Variants in PDZRN4 observed in about 807,000 individuals in gnomAD.
PDZRN4 encodes the protein PDZ domain-containing RING finger protein 4.
A neutral mutation model predicts 99.0 loss-of-function variants in PDZRN4; 70 were observed. The ratio of observed to expected loss-of-function variants is 0.71; its 90% CI spans 0.58 to 0.86. The LOEUF (loss-of-function observed/expected upper bound fraction) is 0.86. Ranked by LOEUF, PDZRN4 falls within the 40% of genes least tolerant of loss-of-function variation. The probability of loss-of-function intolerance (pLI) is 0.00; values close to 1 mark genes in which losing one functional copy is unlikely to be tolerated. For synonymous variants in PDZRN4, 551 were observed against 501.6 expected, an observed-to-expected ratio of 1.10 and a Z score of -1.32; for missense variants, 1,474 against 1,331.2, an observed-to-expected ratio of 1.11 and a Z score of -1.67.
At chr12:41,440,042 T>C (rs1186838204) in intron 3 of PDZRN4, among the ~76,000 whole-genome samples, 1 of 152,152 alleles carries the variant, frequency 6.6e-6, no homozygotes, top group Non-Finnish European at 1.5e-5. Flanking sequence ...AGAGCACACA[T>C]GAAAGTGAAC....
intron 3 of PDZRN4, among the ~76,000 whole-genome samples, chr12:41,459,322 T>C (rs957784990): frequency 3.9e-5 from 6 of 152,232 alleles, no homozygotes; most frequent in African/African-American, 9.6e-5. Flanking sequence ...TCCAAGGTGA[T>C]GTAACAAATT....
Position 41,279,481 on chromosome 12 carries a change from G to A in PDZRN4, c.843+85293G>A, listed in dbSNP as rs561242867. On this transcript the variant is annotated intron_variant, in intron 3 of 9. Coordinates refer to ENST00000402685, the MANE Select transcript of PDZRN4 (RefSeq NM_001164595.2). ...ATGATGGTCGTGGTATTTAAAGATG[G>A]GTAGTAGTTTCCAACAATAAGTAGG... Among the ~76,000 whole-genome samples, 37 of 152,184 alleles carry A rather than the reference G, an allele frequency of 2.4e-4. No homozygotes were observed. In the South Asian group the frequency reaches 6.6e-3, roughly 27 times the overall value.
chr12:41,425,658 G>C (rs918795851), intron 3 of PDZRN4, among the ~76,000 whole-genome samples: 3 of 152,148 alleles, frequency 2.0e-5, no homozygotes, highest in African/African-American at 7.2e-5. Flanking sequence ...ATTCACACTT[G>C]AGTCAGAGGA....
intron 3 of PDZRN4, among the ~76,000 whole-genome samples, chr12:41,307,738 C>T (rs1320179297): frequency 2.0e-5 from 3 of 151,964 alleles, no homozygotes; most frequent in Non-Finnish European, 4.4e-5. Flanking sequence ...GTGATATCCA[C>T]TCTTGATTAC....
chr12:41,414,219 T>A (rs1952424044), intron 3 of PDZRN4, among the ~76,000 whole-genome samples: 1 of 152,128 alleles, frequency 6.6e-6, no homozygotes, highest in African/African-American at 2.4e-5. Context: ...TGACCTGACC[T>A]TTTTCTCTAG....
At chr12:41,473,860 A>G (rs549963664) in intron 3 of PDZRN4, among the ~76,000 whole-genome samples, 6 of 152,222 alleles carry the variant, frequency 3.9e-5, no homozygotes, top group Non-Finnish European at 8.8e-5. Context: ...TTTGAAAGCA[A>G]CCAAAATACT....
intron 3 of PDZRN4, among the ~76,000 whole-genome samples, chr12:41,392,989 C>A (rs1419913338): frequency 1.3e-5 from 2 of 152,080 alleles, no homozygotes; most frequent in Non-Finnish European, 2.9e-5. Context: ...TTATTGGGTA[C>A]CTGTTGTGCC....
chr12:41,572,711 C>A lies in PDZRN4; in HGVS notation c.1932C>A (p.Asp644Glu). Residue 644 changes from aspartate (D) to glutamate (E), a missense_variant, in exon 10 of 10, where the codon GAC becomes GAA. Physicochemically the swap from Asp to Glu is conservative, Grantham distance 45 (BLOSUM62 2). Coordinates refer to ENST00000402685, the MANE Select transcript of PDZRN4 (RefSeq NM_001164595.2). ...KCKIRNHGEY[D>E]LYYSSSTIEC... is the part of the protein sequence containing the mutation. ...AGATTCGAAATCATGGAGAGTATGA[C>A]CTGTATTACTCAAGCAGCACAATTG... 1 of 1,614,058 alleles carries A rather than the reference C, an allele frequency of 6.2e-7. No homozygotes were observed. The highest frequency in any genetic ancestry group is 2.2e-5 in the East Asian group (1 of 44,860).
intron 5 of PDZRN4, among the ~76,000 whole-genome samples, chr12:41,531,534 G>A (rs557878303): frequency 6.6e-6 from 1 of 152,134 alleles, no homozygotes; most frequent in Non-Finnish European, 1.5e-5. Context: ...GCCCAGGATG[G>A]GGCCATGGCA....
intron 3 of PDZRN4, among the ~76,000 whole-genome samples, chr12:41,326,488 A>T (rs1338723803): frequency 6.6e-6 from 1 of 152,198 alleles, no homozygotes; most frequent in Non-Finnish European, 1.5e-5. Flanking sequence ...AAATTGTTCC[A>T]TGTGGATATC....
At chr12:41,399,334 T>C (rs1443136616) in intron 3 of PDZRN4, among the ~76,000 whole-genome samples, 2 of 152,328 alleles carry the variant, frequency 1.3e-5, no homozygotes, top group Non-Finnish European at 2.9e-5. Context: ...TGTGTCCCTA[T>C]ATTCTATTGC....
In PDZRN4 at chr12:41,354,004, G is replaced by A. The variant is rs185836871; in HGVS notation, c.844-152452G>A. On this transcript the variant is annotated intron_variant, in intron 3 of 9. Coordinates refer to ENST00000402685, the MANE Select transcript of PDZRN4 (RefSeq NM_001164595.2). ...TTATGAAGATTAACATCAGTGTTATGTAGGATAAATAATTTGAGAGACGGT... is the reference window on the plus strand; with the variant it reads ...TTATGAAGATTAACATCAGTGTTATATAGGATAAATAATTTGAGAGACGGT... Among the ~76,000 whole-genome samples the A allele has an allele frequency of 3.9e-5, 6 of 152,202 alleles. No homozygotes were observed. In the East Asian group the frequency reaches 1.2e-3, roughly 30 times the overall value.
intron 9 of PDZRN4, among the ~76,000 whole-genome samples, chr12:41,568,939 G>A (rs1172853859): frequency 1.3e-5 from 2 of 150,598 alleles, no homozygotes; most frequent in Admixed American, 6.6e-5. Context: ...TGAGTAGCTG[G>A]GATTACAGAT....
At chr12:41,527,919 T>C (rs925660722) in intron 5 of PDZRN4, among the ~76,000 whole-genome samples, 3 of 152,188 alleles carry the variant, frequency 2.0e-5, no homozygotes, top group Admixed American at 6.5e-5. Context: ...TGCCTACCTA[T>C]GTGAGATATT....
At chr12:41,291,736 T>A (rs1423130019) in intron 3 of PDZRN4, among the ~76,000 whole-genome samples, 1 of 152,086 alleles carries the variant, frequency 6.6e-6, no homozygotes, top group Non-Finnish European at 1.5e-5. Flanking sequence ...GAGAATAAGA[T>A]TATGAAGGAA....
intron 7 of PDZRN4, among the ~76,000 whole-genome samples, chr12:41,562,382 A>G (rs186552233): frequency 4.6e-5 from 7 of 152,318 alleles, no homozygotes; most frequent in Admixed American, 2.0e-4. Flanking sequence ...AAAAACCTCA[A>G]TAGTCTACTT....
intron 3 of PDZRN4, among the ~76,000 whole-genome samples, chr12:41,489,598 C>T (rs1159033329): frequency 2.0e-5 from 3 of 151,696 alleles, no homozygotes; most frequent in Non-Finnish European, 2.9e-5. Context: ...ACTCGTCCTT[C>T]TCTAAACAAA....
At chr12:41,223,727 G>A (rs909375400) in intron 3 of PDZRN4, among the ~76,000 whole-genome samples, 7 of 152,116 alleles carry the variant, frequency 4.6e-5, no homozygotes, top group African/African-American at 1.4e-4. Flanking sequence ...AGCAAGAGGC[G>A]GAAAGAACTG....
In PDZRN4 at chr12:41,499,609, G is replaced by GA. The variant is rs1170676250; in HGVS notation, c.844-6846dup. On this transcript the variant is annotated intron_variant, in intron 3 of 9. Transcript: ENST00000402685. ...TACAAAAAAAGCAAGACAAGGAAAA[G>GA]ATAATGAAAGGAAAAAGCAGTTGCA... Among the ~76,000 whole-genome samples the GA allele has an allele frequency of 3.9e-5, 6 of 152,078 alleles. No homozygotes were observed. In the East Asian group the frequency reaches 1.2e-3, roughly 29 times the overall value.
Sources: allele counts gnomAD v4.1 joint callset (sites outside exome capture counted in the v4.1 genomes callset), GRCh38; gene constraint gnomAD v4.1.1; transcripts MANE v1.5; gene names NCBI Gene and HGNC (gene_info 2026-07-23, HGNC 2026-07-21).